Variants in NRP1 observed in about 807,000 individuals in gnomAD.
NRP1 encodes neuropilin 1.
A neutral mutation model predicts 106.7 loss-of-function variants in NRP1; 35 were observed. The ratio of observed to expected loss-of-function variants is 0.33; its 90% CI spans 0.25 to 0.43. The LOEUF is 0.43. Among genes scored for constraint, NRP1 ranks in the 20% least tolerant of loss-of-function variants. NRP1 has a pLI of 1.00. For missense variants in NRP1, 1,024 were observed against 1,170.4 expected (o/e 0.87, Z 1.83); for synonymous variants, 437 against 417.9 (o/e 1.05, Z -0.56).
At chr10:33,252,361 A>C (rs1841928113) in intron 6 of NRP1, among the ~76,000 whole-genome samples, 1 of 152,070 alleles carries the variant, frequency 6.6e-6, no homozygotes. Flanking sequence ...TGTGATAAGG[A>C]AGGGGGTCTA....
intron 10 of NRP1, among the ~76,000 whole-genome samples, chr10:33,207,298 A>T (rs1365676373): frequency 6.6e-6 from 1 of 150,672 alleles, no homozygotes; most frequent in East Asian, 1.9e-4. Flanking sequence ...ATGAATTTCA[A>T]CTCTATAAAT....
rs1186925076 is a variant in NRP1 at position 33,180,194 on chromosome 10, T to C, written c.2654A>G (p.His885Arg). 6.2e-7 allele frequency: 1 copy of C among 1,614,182 alleles called. No homozygotes were observed. The highest frequency in any genetic ancestry group is 8.5e-7 in the Non-Finnish European group (1 of 1,180,054). ...CGVVLYCACW[H>R]NGMSERNLSA... Reference sequence around the variant, plus strand: ...CAAGTTTCTTTCTGACATCCCATTATGCCAACAGGCACAGTACAGCACGAC... The same window carrying C: ...CAAGTTTCTTTCTGACATCCCATTACGCCAACAGGCACAGTACAGCACGAC... The change falls in exon 17 of 17, where the codon CAT (histidine) becomes CGT (arginine). Residue 885 changes from histidine (H) to arginine (R), a missense_variant. Physicochemically the swap from His to Arg is conservative, Grantham distance 29 (BLOSUM62 0). Coordinates refer to ENST00000374867, the MANE Select transcript of NRP1 (RefSeq NM_003873.7).
At chr10:33,196,832 A>C (rs1836821268) in intron 12 of NRP1, among the ~76,000 whole-genome samples, 1 of 152,198 alleles carries the variant, frequency 6.6e-6, no homozygotes, top group African/African-American at 2.4e-5. Flanking sequence ...CACACGCCCC[A>C]TTAATAAATG....
At chr10:33,236,918 G>C (rs963499577) in intron 6 of NRP1, among the ~76,000 whole-genome samples, 1 of 152,092 alleles carries the variant, frequency 6.6e-6, no homozygotes, top group Non-Finnish European at 1.5e-5. Context: ...TAACTGTCCC[G>C]CAGACAGGTT....
At chr10:33,259,011 C>T (rs1234475436) in intron 4 of NRP1, among the ~76,000 whole-genome samples, 1 of 152,086 alleles carries the variant, frequency 6.6e-6, no homozygotes, top group African/African-American at 2.4e-5. Flanking sequence ...TGGGGTCGTC[C>T]TCTGATCGCC....
Position 33,334,406 on chromosome 10 carries a change from C to T in NRP1, c.-24G>A, listed in dbSNP as rs764376860. On this transcript the variant is annotated 5_prime_UTR_variant, in exon 1 of 17. Coordinates refer to ENST00000374867, the MANE Select transcript of NRP1 (RefSeq NM_003873.7). ...ATTCTCCCTTCTCCGGGTCCGCAGG[C>T]AGACGCGGGAGAACGAGGACGTGGG... 1.3e-6 allele frequency: 2 copies of T among 1,540,574 alleles called. No individual in the cohort carries two copies. Among genetic ancestry groups the T allele is most frequent in the Admixed American group, 2.0e-5 (1 of 50,900 alleles).
chr10:33,323,627 G>A (rs899816221), intron 2 of NRP1, among the ~76,000 whole-genome samples: 5 of 151,984 alleles, frequency 3.3e-5, no homozygotes, highest in Admixed American at 6.5e-5. Flanking sequence ...AAGGTGCAAC[G>A]AACTGCCAAG....
chr10:33,189,069 T>C (rs1836230820), intron 13 of NRP1, among the ~76,000 whole-genome samples: 1 of 151,446 alleles, frequency 6.6e-6, no homozygotes, highest in South Asian at 2.1e-4. Flanking sequence ...TCCACCCCCA[T>C]CCTGTTTTCC....
intron 2 of NRP1, among the ~76,000 whole-genome samples, chr10:33,293,680 A>G (rs1239604563): frequency 6.6e-6 from 1 of 152,234 alleles, no homozygotes; most frequent in African/African-American, 2.4e-5. Context: ...GAGAAAACAG[A>G]AAACATGTTC....
intron 6 of NRP1, among the ~76,000 whole-genome samples, chr10:33,250,950 G>A (rs1564423443): frequency 6.6e-6 from 1 of 152,158 alleles, no homozygotes; most frequent in Admixed American, 6.5e-5. Flanking sequence ...GGCAGTGAAG[G>A]TGGGTGGAAG....
At chr10:33,191,451 G>A (rs528960445) in intron 13 of NRP1, among the ~76,000 whole-genome samples, 6 of 152,272 alleles carry the variant, frequency 3.9e-5, no homozygotes, top group East Asian at 3.9e-4. Flanking sequence ...TTCAAGGGTC[G>A]GGAGAGAGCA....
intron 4 of NRP1, among the ~76,000 whole-genome samples, chr10:33,257,683 G>A (rs1343986550): frequency 6.6e-6 from 1 of 152,154 alleles, no homozygotes; most frequent in African/African-American, 2.4e-5. Context: ...CCACACCTTT[G>A]TTGAAGTGCT....
At chr10:33,248,002 T>C (rs1841551423) in intron 6 of NRP1, among the ~76,000 whole-genome samples, 1 of 152,296 alleles carries the variant, frequency 6.6e-6, no homozygotes, top group South Asian at 2.1e-4. Context: ...TAAAAAGTGC[T>C]TTTGGCCAGG....
chr10:33,333,154 T>C (rs1848405141), intron 1 of NRP1, among the ~76,000 whole-genome samples: 1 of 152,200 alleles, frequency 6.6e-6, no homozygotes, highest in Non-Finnish European at 1.5e-5. Context: ...CATAATTTTT[T>C]GTGTCTTGCT....
chr10:33,228,731 C>T lies in NRP1; in HGVS notation c.982-2442G>A, dbSNP rs192185614. On this transcript the variant is annotated intron_variant, in intron 6 of 16. Transcript: ENST00000374867. ...TGGAAAGAATGGGACTATCATTCAA[C>T]GCAAAATAATCTTTATTTCATTTCC... is the stretch of plus-strand genomic sequence containing the variant. Among the ~76,000 whole-genome samples, 35 of 152,198 alleles carry T rather than the reference C, an allele frequency of 2.3e-4. 1 individual carries two copies. Among genetic ancestry groups the T allele is most frequent in the East Asian group, 9.6e-4 (5 of 5,188 alleles).
At chr10:33,268,755 G>A (rs757995070) in intron 3 of NRP1, among the ~76,000 whole-genome samples, 3 of 152,170 alleles carry the variant, frequency 2.0e-5, no homozygotes, top group Admixed American at 6.5e-5. Flanking sequence ...ATACAGACAC[G>A]TATAATATGA....
intron 15 of NRP1, among the ~76,000 whole-genome samples, chr10:33,185,383 A>G (rs553533368): frequency 6.6e-6 from 1 of 152,276 alleles, no homozygotes; most frequent in East Asian, 1.9e-4. Flanking sequence ...TGGATTCTGC[A>G]TTATTTGTGG....
At position 33,305,965 on chromosome 10, in the gene NRP1, C is replaced by T. The variant is rs369193709; in HGVS notation, c.248+24743G>A. ...TGTATTTTTAGTAGAGATGGGGTTT[C>T]ACCATGTTGGCCAGGCTGGTCTCGA... On this transcript the variant is annotated intron_variant, in intron 2 of 16. Transcript: ENST00000374867. 4.3e-4 allele frequency among the ~76,000 whole-genome samples: 66 copies of T among 152,070 alleles called. No homozygotes were observed. In the South Asian group the frequency reaches 9.1e-3, roughly 21 times the overall value.
At chr10:33,197,183 G>A (rs1364345981) in intron 12 of NRP1, among the ~76,000 whole-genome samples, 1 of 152,108 alleles carries the variant, frequency 6.6e-6, no homozygotes, top group Non-Finnish European at 1.5e-5. Flanking sequence ...TATAAACTCT[G>A]GTTTCCTGAA....
Sources: gnomAD v4.1 joint callset for allele counts (sites outside exome capture counted in the v4.1 genomes callset) on GRCh38, gnomAD v4.1.1 for gene constraint, MANE v1.5 for transcripts, NCBI Gene and HGNC (gene_info 2026-07-23, HGNC 2026-07-21) for gene names.